PDP1: variants seen among roughly 807,000 people sequenced by gnomAD.
PDP1 encodes the protein pyruvate dehyrogenase phosphatase catalytic subunit 1.
A neutral mutation model predicts 37.1 loss-of-function variants in PDP1; 14 were observed. That is an observed-to-expected ratio of 0.38 (90% CI 0.25 to 0.59). The LOEUF (loss-of-function observed/expected upper bound fraction) is 0.59, where lower values mean the gene tolerates loss of function less well. PDP1 is among the 20% of genes least tolerant of loss of function. The pLI is 0.67. For synonymous variants in PDP1, 251 were observed against 243.3 expected (o/e 1.03, Z -0.29); for missense variants, 544 against 655.3 (o/e 0.83, Z 1.85).
intron 1 of PDP1, chr8:93,921,796 C>T (rs1810279976): frequency 6.2e-6 from 3 of 486,252 alleles, no homozygotes; most frequent in Non-Finnish European, 1.1e-5. Flanking sequence ...GTATAGGAGC[C>T]AGGAGTTCAG....
Position 93,922,569 on chromosome 8 carries a change from T to G in PDP1, c.510T>G (p.His170Gln). 1 of 1,614,034 alleles carries G rather than the reference T, an allele frequency of 6.2e-7. No homozygotes were observed. Among genetic ancestry groups the G allele is most frequent in the African/African-American group, 1.3e-5 (1 of 75,034 alleles). ...FYYIAVSLLPHETLLEIENAV... is the reference protein window; with the variant it reads ...FYYIAVSLLPQETLLEIENAV... ...ATATTGCTGTCTCTTTGTTACCCCA[T>G]GAGACTTTGCTAGAGATTGAAAATG... Residue 170 changes from histidine (H) to glutamine (Q), a missense_variant, in exon 2 of 2, where the codon CAT (histidine) becomes CAG (glutamine). By Grantham distance (24) the His-to-Gln change is conservative. Around this residue, in one of 5 missense-constraint regions of PDP1, gnomAD observed 342 missense variants for 414.0 expected, o/e 0.83. Coordinates refer to ENST00000297598, the MANE Select transcript of PDP1 (RefSeq NM_018444.4). The surrounding 1 kb of genome is among the most constrained non-coding windows in gnomAD (Gnocchi z 4.0).
At position 93,923,048 on chromosome 8, in the gene PDP1, C is replaced by T. The variant is rs1563517539; in HGVS notation, c.989C>T (p.Pro330Leu). 4 of 1,614,168 alleles carry T rather than the reference C, an allele frequency of 2.5e-6. No individual in the cohort carries two copies. Among genetic ancestry groups the T allele is most frequent in the Non-Finnish European group, 3.4e-6 (4 of 1,180,044 alleles). Residue 330 changes from proline (P) to leucine (L), a missense_variant, in exon 2 of 2, where the codon CCA becomes CTA. Pro to Leu is a moderately conservative substitution (Grantham distance 98). Transcript: ENST00000297598. The surrounding 1 kb of genome is among the most constrained non-coding windows in gnomAD (Gnocchi z 4.3). Reference sequence around the variant, plus strand: ...CTAGAACGGCTGAAATTGGAACATCCAAAGAGTGAGGCCAAGAGTGTCGTG... The same window carrying T: ...CTAGAACGGCTGAAATTGGAACATCTAAAGAGTGAGGCCAAGAGTGTCGTG... Reference protein sequence around the residue: ...RELERLKLEHPKSEAKSVVKQ... With the variant: ...RELERLKLEHLKSEAKSVVKQ...
Position 93,923,586 on chromosome 8 carries a change from G to A in PDP1, c.1527G>A (p.Glu509=), listed in dbSNP as rs751277921. ...RLSKMLSLPE[E]LARMYRDDIT... ...CTAAAATGCTTAGTCTTCCTGAAGAGCTTGCTCGAATGTACAGAGATGACA... is the reference window on the plus strand; with the variant it reads ...CTAAAATGCTTAGTCTTCCTGAAGAACTTGCTCGAATGTACAGAGATGACA... Residue 509 remains glutamate, a synonymous_variant, in exon 2 of 2, where the codon GAG becomes GAA. Transcript: ENST00000297598. The surrounding 1 kb of genome is among the most constrained non-coding windows in gnomAD (Gnocchi z 4.3). 1 of 1,614,016 alleles carries A rather than the reference G, an allele frequency of 6.2e-7. No homozygotes were observed. The highest frequency in any genetic ancestry group is 2.2e-5 in the East Asian group (1 of 44,880).
intron 1 of PDP1, chr8:93,920,801 ATAT>A (rs1317966967): frequency 1.4e-6 from 1 of 705,522 alleles, no homozygotes; most frequent in Non-Finnish European, 1.7e-6. Flanking sequence ...TTGACACATA[ATAT>A]TATATATTTA....
Position 93,917,097 on chromosome 8 carries a change from C to G in PDP1, c.-45+18C>G, listed in dbSNP as rs1810084907. 2.1e-6 allele frequency: 1 copy of G among 466,956 alleles called. No homozygotes were observed. Among genetic ancestry groups the G allele is most frequent in the African/African-American group, 2.1e-5 (1 of 47,670 alleles). 28.9% of individuals were successfully genotyped at this position (466,956 alleles called of 1,614,324 possible). A position where few individuals can be genotyped will look rare whatever the true frequency, so the allele number is the denominator to read the frequency against. On this transcript the variant is annotated intron_variant, in intron 1 of 1. Transcript: ENST00000297598. ...CGTGCCCGGTTCGTATTCCCTACTC[C>G]CTGCCACGAGCCGCCCCGTCCGGGA...
intron 1 of PDP1, chr8:93,918,760 A>G (rs1810167551): frequency 6.6e-6 from 1 of 152,236 alleles, no homozygotes; most frequent in Non-Finnish European, 1.5e-5. Context: ...GTTATGATGT[A>G]GAGTGTTTTC....
At position 93,922,418 on chromosome 8, in the gene PDP1, A is replaced by G; in HGVS notation, c.359A>G (p.Asn120Ser). The G allele has an allele frequency of 6.2e-7, 1 of 1,614,124 alleles. No homozygotes were observed. The highest frequency in any genetic ancestry group is 8.5e-7 in the Non-Finnish European group (1 of 1,179,944). The change falls in exon 2 of 2, where the codon AAT becomes AGT. Residue 120 changes from asparagine (N) to serine (S), a missense_variant. Physicochemically the swap from Asn to Ser is conservative, Grantham distance 46. Coordinates refer to ENST00000297598, the MANE Select transcript of PDP1 (RefSeq NM_018444.4). This position sits in a 1 kb window ranked among gnomAD's most constrained non-coding sequence, Gnocchi z 4.0. ...LGFDSNQLPANAPIEDRRSAA... is the reference protein window; with the variant it reads ...LGFDSNQLPASAPIEDRRSAA... ...TTTGACAGCAATCAGCTGCCTGCAAATGCACCCATTGAGGACCGGAGAAGT... is the reference window on the plus strand; with the variant it reads ...TTTGACAGCAATCAGCTGCCTGCAAGTGCACCCATTGAGGACCGGAGAAGT...
At position 93,923,031 on chromosome 8, in the gene PDP1, G is replaced by T; in HGVS notation, c.972G>T (p.Arg324=). 6.2e-7 allele frequency: 1 copy of T among 1,614,160 alleles called. No individual in the cohort carries two copies. The highest frequency in any genetic ancestry group is 8.5e-7 in the Non-Finnish European group (1 of 1,180,034). ...HNAQNERELE[R]LKLEHPKSEA... is the part of the protein sequence containing the mutation. ...CTCAAAATGAAAGAGAACTAGAACG[G>T]CTGAAATTGGAACATCCAAAGAGTG... The change falls in exon 2 of 2, where the codon CGG becomes CGT. Residue 324 remains arginine (R), a synonymous_variant. Transcript: ENST00000297598. This position sits in a 1 kb window ranked among gnomAD's most constrained non-coding sequence, Gnocchi z 4.3.
At chr8:93,917,850 G>A (rs1810130280) in intron 1 of PDP1, 1 of 1,613,462 alleles carries the variant, frequency 6.2e-7, no homozygotes, top group African/African-American at 1.3e-5. Context: ...GGCCGGTGCT[G>A]CTGTCGCTGC....
rs778545811 is a variant in PDP1, at chr8:93,923,370, A to T, written c.1311A>T (p.Leu437=). The T allele has an allele frequency of 6.2e-7, 1 of 1,612,998 alleles. No homozygotes were observed. Among genetic ancestry groups the T allele is most frequent in the South Asian group, 1.1e-5 (1 of 91,012 alleles). The change falls in exon 2 of 2, where the codon CTA becomes CTT. Residue 437 remains leucine, a synonymous_variant. Transcript: ENST00000297598. The surrounding 1 kb of genome is among the most constrained non-coding windows in gnomAD (Gnocchi z 4.3). ...QDVVRIVGEY[L]TGMHHQQPIA... ...TGGTTAGGATTGTGGGTGAGTACCT[A>T]ACTGGCATGCATCACCAACAGCCAA... is the stretch of plus-strand genomic sequence containing the variant.
At chr8:93,921,877 G>A (rs1199913033) in intron 1 of PDP1, 139 bp from the exon 2 acceptor site, 24 of 613,598 alleles carry the variant, frequency 3.9e-5, no homozygotes, top group Middle Eastern at 7.2e-4. Flanking sequence ...CATGATGTGT[G>A]TATAAAATGT....
At chr8:93,920,106 G>A (rs1332946028) in intron 1 of PDP1, among the ~76,000 whole-genome samples, 4 of 151,984 alleles carry the variant, frequency 2.6e-5, no homozygotes, top group East Asian at 1.9e-4. Context: ...CTTCATTTTC[G>A]TAAACAAATC....
rs745958515 is a variant in PDP1 at position 93,923,509 on chromosome 8, C to G, written c.1450C>G (p.Arg484Gly). ...EDQNAATHLI[R>G]HAVGNNEFGT... Reference sequence around the variant, plus strand: ...TCAGAACGCAGCAACCCATCTCATTCGCCACGCTGTGGGCAACAACGAGTT... The same window carrying G: ...TCAGAACGCAGCAACCCATCTCATTGGCCACGCTGTGGGCAACAACGAGTT... The change falls in exon 2 of 2, where the codon CGC (arginine) becomes GGC (glycine). Residue 484 changes from arginine to glycine, a missense_variant. By Grantham distance (125) the Arg-to-Gly change is moderately radical. Coordinates refer to ENST00000297598, the MANE Select transcript of PDP1 (RefSeq NM_018444.4). This position sits in a 1 kb window ranked among gnomAD's most constrained non-coding sequence, Gnocchi z 4.3. 1.2e-6 allele frequency: 2 copies of G among 1,606,430 alleles called. No homozygotes were observed. The highest frequency in any genetic ancestry group is 1.7e-6 in the Non-Finnish European group (2 of 1,173,738).
chr8:93,924,488 A>C lies in PDP1; in HGVS notation c.*815A>C, dbSNP rs1204034896. The C allele has an allele frequency of 6.0e-6, 1 of 167,122 alleles. No individual in the cohort carries two copies. Among genetic ancestry groups the C allele is most frequent in the Non-Finnish European group, 1.5e-5 (1 of 68,130 alleles). 10.4% of individuals were successfully genotyped at this position (167,122 alleles called of 1,614,324 possible). On this transcript the variant is annotated 3_prime_UTR_variant, in exon 2 of 2. Transcript: ENST00000297598. ...TCTTCAATTATTGTCATCTGTAGCCACCAGCACATCACTCTTATGTAATCC... is the reference window on the plus strand; with the variant it reads ...TCTTCAATTATTGTCATCTGTAGCCCCCAGCACATCACTCTTATGTAATCC...
rs1810396298 is a variant in PDP1 at position 93,925,104 on chromosome 8, A to C, written c.*1431A>C. 6.0e-6 allele frequency: 1 copy of C among 167,068 alleles called. No individual in the cohort carries two copies. The highest frequency in any genetic ancestry group is 1.5e-5 in the Non-Finnish European group (1 of 68,118). 10.3% of individuals were successfully genotyped at this position (167,068 alleles called of 1,614,324 possible). A position where few individuals can be genotyped will look rare whatever the true frequency, so the allele number is the denominator to read the frequency against. On this transcript the variant is annotated 3_prime_UTR_variant, in exon 2 of 2. Coordinates refer to ENST00000297598, the MANE Select transcript of PDP1 (RefSeq NM_018444.4). ...CTGGATTTTAATACAAGCCAATATC[A>C]GCTTCCCATTGTGTAATAACTTGGG...
chr8:93,921,560 T>C (rs1378737053), intron 1 of PDP1: 1 of 156,370 alleles, frequency 6.4e-6, no homozygotes, highest in Non-Finnish European at 1.4e-5. Flanking sequence ...ACCACAGGTC[T>C]ATGTAAAGGG....
At chr8:93,917,956 A>G (rs1314671576) in intron 1 of PDP1, 1 of 1,613,774 alleles carries the variant, frequency 6.2e-7, no homozygotes. Flanking sequence ...GTAGGTATTC[A>G]CTTAACTACC....
At chr8:93,918,320 T>G (rs931589383) in intron 1 of PDP1, among the ~76,000 whole-genome samples, 1 of 152,248 alleles carries the variant, frequency 6.6e-6, no homozygotes, top group African/African-American at 2.4e-5. Flanking sequence ...CATTAAATGA[T>G]TAGCATAGCT....
At chr8:93,918,566 G>A (rs749466563) in intron 1 of PDP1, among the ~76,000 whole-genome samples, 1 of 152,184 alleles carries the variant, frequency 6.6e-6, no homozygotes, top group Non-Finnish European at 1.5e-5. Context: ...TGCCTGGGAT[G>A]AAGATGCTAC....
Sources: allele counts gnomAD v4.1 joint callset (sites outside exome capture counted in the v4.1 genomes callset), GRCh38; gene constraint gnomAD v4.1.1; regional missense constraint gnomAD v4.1.1; non-coding constraint Gnocchi (gnomAD v3.1); transcripts MANE v1.5; gene names NCBI Gene and HGNC (gene_info 2026-07-23, HGNC 2026-07-21).